C10orf90: variants seen among roughly 807,000 people sequenced by gnomAD.
C10orf90 encodes chromosome 10 open reading frame 90.
A neutral mutation model predicts 62.5 loss-of-function variants in C10orf90; 56 were observed. That is an observed-to-expected ratio of 0.90 (90% confidence interval 0.72 to 1.12). The LOEUF (loss-of-function observed/expected upper bound fraction) is 1.12, where lower values mean the gene tolerates loss of function less well. Among genes scored for constraint, C10orf90 ranks in the 50% most tolerant of loss-of-function variants. The probability of loss-of-function intolerance (pLI) is 0.00; values close to 1 mark genes in which losing one functional copy is unlikely to be tolerated. For synonymous variants in C10orf90, 386 were observed against 340.4 expected, an observed-to-expected ratio of 1.13 and a Z score of -1.47; for missense variants, 970 against 880.4, an observed-to-expected ratio of 1.10 and a Z score of -1.29.
intron 4 of C10orf90, among the ~76,000 whole-genome samples, chr10:126,500,339 A>G (rs1862303695): frequency 6.6e-6 from 1 of 152,144 alleles, no homozygotes; most frequent in South Asian, 2.1e-4. Flanking sequence ...TCTAGCACCA[A>G]TTGGCCACGT....
intron 4 of C10orf90, among the ~76,000 whole-genome samples, chr10:126,474,590 T>A (rs1860756101): frequency 6.6e-6 from 1 of 152,120 alleles, no homozygotes; most frequent in Non-Finnish European, 1.5e-5. Flanking sequence ...AATGCATATA[T>A]AGCAAAGAAT....
chr10:126,537,147 C>A (rs1201761521), intron 2 of C10orf90, among the ~76,000 whole-genome samples: 1 of 152,124 alleles, frequency 6.6e-6, no homozygotes, highest in Non-Finnish European at 1.5e-5. Context: ...AGTCAAATCA[C>A]CCTGATGCCC....
intron 3 of C10orf90, among the ~76,000 whole-genome samples, chr10:126,513,196 G>A (rs539829535): frequency 6.6e-6 from 1 of 152,182 alleles, no homozygotes; most frequent in South Asian, 2.1e-4. Context: ...CAGTCCTTTA[G>A]AGCAAGCTAA....
At chr10:126,435,872 A>T (rs1386685723) in intron 7 of C10orf90, among the ~76,000 whole-genome samples, 2 of 152,120 alleles carry the variant, frequency 1.3e-5, no homozygotes, top group Admixed American at 6.5e-5. Context: ...CTCCTGGAAG[A>T]CAGGAAAGTC....
At chr10:126,432,418 A>G (rs1003627855) in intron 7 of C10orf90, among the ~76,000 whole-genome samples, 1 of 152,222 alleles carries the variant, frequency 6.6e-6, no homozygotes, top group Non-Finnish European at 1.5e-5. Flanking sequence ...AACAAAAATA[A>G]CAGATAAGAC....
intron 2 of C10orf90, among the ~76,000 whole-genome samples, chr10:126,529,543 C>T (rs890815753): frequency 1.3e-5 from 2 of 151,672 alleles, no homozygotes; most frequent in African/African-American, 2.4e-5. Flanking sequence ...AGAACAGCAA[C>T]TCAATGGAAA....
At chr10:126,631,849 A>G (rs1003044130) in intron 2 of C10orf90, among the ~76,000 whole-genome samples, 5 of 151,684 alleles carry the variant, frequency 3.3e-5, no homozygotes, top group African/African-American at 1.2e-4. Context: ...AAGAACCACA[A>G]CGTGGACCTT....
chr10:126,532,390 C>G (rs966210488), intron 2 of C10orf90, among the ~76,000 whole-genome samples: 1 of 152,072 alleles, frequency 6.6e-6, no homozygotes, highest in African/African-American at 2.4e-5. Context: ...GCATCTTTCT[C>G]CCATTCCCTA....
At position 126,504,456 on chromosome 10, in the gene C10orf90, G is replaced by A. The variant is rs1862592070; in HGVS notation, c.1035C>T (p.Phe345=). 1 of 1,614,086 alleles carries A rather than the reference G, an allele frequency of 6.2e-7. No homozygotes were observed. The highest frequency in any genetic ancestry group is 1.3e-5 in the African/African-American group (1 of 74,916). ...TPLSGKSPLV[F]SSCVHLRVSQ... ...ACACCCTGAGGTGGACACAGGAACTGAACACCAGCGGGCTCTTTCCTGACA... is the reference window on the plus strand; with the variant it reads ...ACACCCTGAGGTGGACACAGGAACTAAACACCAGCGGGCTCTTTCCTGACA... The change falls in exon 4 of 10, where the codon TTC becomes TTT. Residue 345 remains phenylalanine, a synonymous_variant. Transcript: ENST00000488181. This position sits in a 1 kb window ranked among gnomAD's most constrained non-coding sequence, Gnocchi z 4.1.
chr10:126,557,756 T>C (rs911840330), intron 2 of C10orf90, among the ~76,000 whole-genome samples: 2 of 152,226 alleles, frequency 1.3e-5, no homozygotes, highest in African/African-American at 2.4e-5. Context: ...AATAAGTTCC[T>C]TTGCACTCCT....
At chr10:126,664,559 T>C (rs2133876214) in intron 1 of C10orf90, among the ~76,000 whole-genome samples, 1 of 152,286 alleles carries the variant, frequency 6.6e-6, no homozygotes, top group African/African-American at 2.4e-5. Flanking sequence ...CCCGGTGCTC[T>C]TTCTCTTAAC....
intron 2 of C10orf90, among the ~76,000 whole-genome samples, chr10:126,623,263 C>A (rs73370821): frequency 0.051 from 7,833 of 152,208 alleles, 605 homozygotes; most frequent in African/African-American, 0.18. Flanking sequence ...ATCCCCACTA[C>A]CCCTCTTGTT....
chr10:126,601,799 A>G (rs1483735479), intron 2 of C10orf90, among the ~76,000 whole-genome samples: 1 of 152,242 alleles, frequency 6.6e-6, no homozygotes, highest in African/African-American at 2.4e-5. Context: ...TGAGGCCTGG[A>G]TGCCGGTGGA....
chr10:126,436,769 C>T (rs1857947022), intron 7 of C10orf90, among the ~76,000 whole-genome samples: 1 of 152,118 alleles, frequency 6.6e-6, no homozygotes, highest in South Asian at 2.1e-4. Context: ...TCAAGTGATC[C>T]TCCCACTTCG....
At chr10:126,555,521 A>C (rs112033757) in intron 2 of C10orf90, among the ~76,000 whole-genome samples, 1 of 8,800 alleles carries the variant, frequency 1.1e-4, no homozygotes, top group Admixed American at 7.8e-4. Flanking sequence ...CAAAAAAAAA[A>C]ACAAAAAATT....
chr10:126,604,474 A>G (rs889908460), intron 2 of C10orf90, among the ~76,000 whole-genome samples: 2 of 152,252 alleles, frequency 1.3e-5, no homozygotes, highest in Admixed American at 6.5e-5. Flanking sequence ...AAATTGCTTT[A>G]GCAAAAAGTC....
chr10:126,523,983 C>T (rs1394546935), intron 2 of C10orf90, among the ~76,000 whole-genome samples: 2 of 152,208 alleles, frequency 1.3e-5, no homozygotes, highest in African/African-American at 4.8e-5. Context: ...TCAGTGGACA[C>T]TAGTCACCGC....
chr10:126,458,930 G>A (rs74827677), intron 7 of C10orf90, 110 bp downstream of exon 7: 1 of 1,176,788 alleles, frequency 8.5e-7, no homozygotes, highest in Non-Finnish European at 1.2e-6. Context: ...AACAGGTTCT[G>A]CGTATGTCAG....
At position 126,425,876 on chromosome 10, in the gene C10orf90, C is replaced by T; in HGVS notation, c.2379G>A (p.Arg793=). The change falls in exon 10 of 10, where the codon AGG becomes AGA. Residue 793 remains arginine, a synonymous_variant. Transcript: ENST00000488181. ...KKQLLDQLLQ[R]NAV is the part of the protein sequence containing the mutation. ...GGGCAGCCTGTGGTTAGACCGCATTCCTTTGAAGGAGCTGGTCCAGTAATT... is the reference window on the plus strand; with the variant it reads ...GGGCAGCCTGTGGTTAGACCGCATTTCTTTGAAGGAGCTGGTCCAGTAATT... 2 of 1,614,048 alleles carry T rather than the reference C, an allele frequency of 1.2e-6. No homozygotes were observed. The highest frequency in any genetic ancestry group is 1.7e-6 in the Non-Finnish European group (2 of 1,180,006).
Sources: gnomAD v4.1 joint callset for allele counts (sites outside exome capture counted in the v4.1 genomes callset) on GRCh38, gnomAD v4.1.1 for gene constraint, Gnocchi (gnomAD v3.1) non-coding constraint, MANE v1.5 for transcripts, NCBI Gene and HGNC (gene_info 2026-07-23, HGNC 2026-07-21) for gene names.